RPH3A: variants seen among roughly 807,000 people sequenced by gnomAD.
RPH3A encodes rabphilin-3A.
RPH3A carries 48 observed loss-of-function variants against 102.2 expected under a neutral mutation model. That is an observed-to-expected ratio of 0.47 (90% CI 0.37 to 0.60). The LOEUF (loss-of-function observed/expected upper bound fraction) is 0.60, where lower values mean the gene tolerates loss of function less well. Ranked by LOEUF, RPH3A falls within the 20% of genes least tolerant of loss-of-function variation. The pLI is 0.00. For missense variants in RPH3A, 781 were observed against 910.1 expected, an observed-to-expected ratio of 0.86 and a Z score of 1.83; for synonymous variants, 310 against 324.3, an observed-to-expected ratio of 0.96 and a Z score of 0.47.
At chr12:112,891,160 G>C (rs2043089035) in intron 19 of RPH3A, 157 bp downstream of exon 19, 1 of 787,724 alleles carries the variant, frequency 1.3e-6, no homozygotes, top group South Asian at 1.8e-5. Context: ...CCTACAACTG[G>C]CAAGAATGTG....
chr12:112,591,770 C>T (rs975638151), intron 1 of RPH3A, among the ~76,000 whole-genome samples: 1 of 152,184 alleles, frequency 6.6e-6, no homozygotes, highest in Non-Finnish European at 1.5e-5. Flanking sequence ...GCCTTTGAGG[C>T]AGTCTGTGAT....
At chr12:112,812,124 T>C (rs1016116914) in intron 2 of RPH3A, among the ~76,000 whole-genome samples, 4 of 152,038 alleles carry the variant, frequency 2.6e-5, no homozygotes, top group Non-Finnish European at 5.9e-5. Flanking sequence ...TTGGCTTGGA[T>C]TGGGGAACTT....
intron 8 of RPH3A, 132 bp from the exon 9 acceptor site, chr12:112,869,627 G>A: frequency 1.1e-6 from 1 of 878,762 alleles, no homozygotes; most frequent in Non-Finnish European, 1.8e-6. Flanking sequence ...AGGAGGTTGG[G>A]AGAAAGACTT....
Position 112,739,552 on chromosome 12 carries a change from C to G in RPH3A, c.-139-52591C>G, listed in dbSNP as rs575868422. Among the ~76,000 whole-genome samples the G allele has an allele frequency of 4.6e-5, 7 of 152,306 alleles. No homozygotes were observed. The South Asian group carries it at 6.2e-4, about 14-fold the overall frequency. ...TTCCATATGGAATGACAGGTGTCAC[C>G]TTGAAGAAATTTAGAGTTGGCTGTT... is the stretch of plus-strand genomic sequence containing the variant. On this transcript the variant is annotated intron_variant, in intron 1 of 21. Coordinates refer to the RPH3A transcript ENST00000543106.
rs11375355 is a variant in RPH3A at position 112,774,063 on chromosome 12, C to CAAAAAAAAAAAAAAAAAAA, written c.-139-18066_-139-18065insAAAAAAAAAAAAAAAAAAA. ...TCACGCCACTGCACTCCAGCCTGGG[C>CAAAAAAAAAAAAAAAAAAA]AAAAAAAAAAAAAAGAAAAAGAGAA... On this transcript the variant is annotated intron_variant, in intron 1 of 21. Transcript: ENST00000543106. 4.7e-4 allele frequency among the ~76,000 whole-genome samples: 51 copies of CAAAAAAAAAAAAAAAAAAA among 108,256 alleles called. 1 individual carries two copies. The highest frequency in any genetic ancestry group is 1.9e-3 in the African/African-American group (47 of 25,194). 71.0% of individuals were successfully genotyped at this position (108,256 alleles called of 152,430 possible).
intron 1 of RPH3A, among the ~76,000 whole-genome samples, chr12:112,633,626 T>C (rs1009257258): frequency 6.6e-6 from 1 of 152,228 alleles, no homozygotes; most frequent in African/African-American, 2.4e-5. Context: ...CCCCTCAACG[T>C]TGAACTTCTC....
At chr12:112,591,444 G>T (rs1359448556) in intron 1 of RPH3A, 1 of 152,234 alleles carries the variant, frequency 6.6e-6, no homozygotes, top group Admixed American at 6.5e-5. Flanking sequence ...TGTCCCATGA[G>T]GTCACTTCTC....
chr12:112,780,098 G>A (rs2040997067), intron 1 of RPH3A, among the ~76,000 whole-genome samples: 1 of 152,150 alleles, frequency 6.6e-6, no homozygotes, highest in African/African-American at 2.4e-5. Flanking sequence ...TTTTCCTTCA[G>A]TATCTCTTTC....
chr12:112,757,601 T>C (rs1357943560), intron 1 of RPH3A, among the ~76,000 whole-genome samples: 2 of 152,166 alleles, frequency 1.3e-5, no homozygotes, highest in Non-Finnish European at 2.9e-5. Flanking sequence ...TTTACTCAAC[T>C]TGCAAGCTAA....
chr12:112,853,002 C>G (rs533014409), intron 5 of RPH3A, among the ~76,000 whole-genome samples: 1 of 152,312 alleles, frequency 6.6e-6, no homozygotes, highest in South Asian at 2.1e-4. Flanking sequence ...TGTCATTAAC[C>G]TTGGCATCCA....
intron 1 of RPH3A, among the ~76,000 whole-genome samples, chr12:112,667,493 C>G (rs555394927): frequency 6.6e-6 from 1 of 151,966 alleles, no homozygotes; most frequent in East Asian, 1.9e-4. Context: ...CTATATAAGT[C>G]AGGGTCCCAA....
chr12:112,599,012 C>T (rs1000641702), intron 1 of RPH3A, among the ~76,000 whole-genome samples: 1 of 152,282 alleles, frequency 6.6e-6, no homozygotes, highest in African/African-American at 2.4e-5. Flanking sequence ...ATATCTTAGA[C>T]ACCAGTAATT....
chr12:112,793,352 G>A (rs1178990592), intron 2 of RPH3A, among the ~76,000 whole-genome samples: 1 of 152,206 alleles, frequency 6.6e-6, no homozygotes, highest in Non-Finnish European at 1.5e-5. Flanking sequence ...GGCCACCTCA[G>A]TGTTCTGCAC....
intron 5 of RPH3A, among the ~76,000 whole-genome samples, chr12:112,861,299 G>C (rs1158950251): frequency 6.6e-6 from 1 of 152,210 alleles, no homozygotes; most frequent in African/African-American, 2.4e-5. Flanking sequence ...GCATGTTGAG[G>C]GTTCTTTGGG....
chr12:112,699,634 G>C (rs1000732623), intron 1 of RPH3A, among the ~76,000 whole-genome samples: 1 of 152,180 alleles, frequency 6.6e-6, no homozygotes, highest in Non-Finnish European at 1.5e-5. Context: ...TGATGAGAAA[G>C]AAACAGTAAA....
chr12:112,726,604 T>C (rs760900295), intron 1 of RPH3A, among the ~76,000 whole-genome samples: 3 of 152,230 alleles, frequency 2.0e-5, no homozygotes, highest in African/African-American at 4.8e-5. Context: ...TCAATAATTA[T>C]AAAAGTTTGG....
At chr12:112,618,666 A>C (rs1416236085) in intron 1 of RPH3A, among the ~76,000 whole-genome samples, 3 of 152,194 alleles carry the variant, frequency 2.0e-5, no homozygotes, top group African/African-American at 7.2e-5. Flanking sequence ...TACTACACAT[A>C]TTATTTTATA....
chr12:112,585,907 G>T (rs755239730), intron 1 of RPH3A, among the ~76,000 whole-genome samples: 30 of 152,180 alleles, frequency 2.0e-4, no homozygotes, highest in Admixed American at 6.5e-4. Context: ...TACCCAGGGT[G>T]CTTGTTGATA....
chr12:112,738,612 G>T (rs889213662), intron 1 of RPH3A, among the ~76,000 whole-genome samples: 15 of 152,038 alleles, frequency 9.9e-5, no homozygotes, highest in Admixed American at 5.9e-4. Context: ...GGGCGGGAAG[G>T]GTCCCCTGGA....
Sources: allele counts gnomAD v4.1 joint callset (sites outside exome capture counted in the v4.1 genomes callset), GRCh38; gene constraint gnomAD v4.1.1; transcripts MANE v1.5; gene names NCBI Gene and HGNC (gene_info 2026-07-23, HGNC 2026-07-21).